SCPEP1: variants seen among roughly 807,000 people sequenced by gnomAD.
The protein encoded by SCPEP1 is retinoid-inducible serine carboxypeptidase.
SCPEP1 carries 51 observed loss-of-function variants against 63.8 expected under a neutral mutation model. The observed-to-expected ratio is 0.80, with a 90% CI of 0.64 to 1.01. The LOEUF is 1.01. Ranked by LOEUF, SCPEP1 falls within the 50% of genes least tolerant of loss-of-function variation. The pLI, the probability that SCPEP1 is intolerant of heterozygous loss-of-function variation, is 0.00. For synonymous variants in SCPEP1, 204 were observed against 207.8 expected, an observed-to-expected ratio of 0.98 and a Z score of 0.16; for missense variants, 499 against 554.9, an observed-to-expected ratio of 0.90 and a Z score of 1.01.
At chr17:56,993,646 C>A (rs1172300766) in intron 6 of SCPEP1, among the ~76,000 whole-genome samples, 1 of 152,162 alleles carries the variant, frequency 6.6e-6, no homozygotes, top group Non-Finnish European at 1.5e-5. Flanking sequence ...GGGGTTTCAC[C>A]ATGTTGGCCA....
chr17:56,990,977 G>A, intron 5 of SCPEP1, 122 bp from the exon 6 acceptor site: 1 of 786,104 alleles, frequency 1.3e-6, no homozygotes, highest in Non-Finnish European at 2.3e-6. Context: ...TCACTACATT[G>A]CCTAGGCTGG....
chr17:56,985,718 A>G (rs1476276583), intron 3 of SCPEP1, among the ~76,000 whole-genome samples: 2 of 152,042 alleles, frequency 1.3e-5, no homozygotes, highest in African/African-American at 2.4e-5. Context: ...GCTGCCTTCA[A>G]AAACCTACTA....
At chr17:56,978,849 A>G (rs1289988239) in intron 1 of SCPEP1, among the ~76,000 whole-genome samples, 1 of 152,170 alleles carries the variant, frequency 6.6e-6, no homozygotes, top group Non-Finnish European at 1.5e-5. Flanking sequence ...AAGTTGTTGA[A>G]CAGTTTTGTT....
chr17:56,999,438 A>G (rs1319504194), intron 10 of SCPEP1, among the ~76,000 whole-genome samples: 2 of 152,176 alleles, frequency 1.3e-5, no homozygotes, highest in African/African-American at 4.8e-5. Flanking sequence ...AGGTTTCTGA[A>G]GGGAAAATAC....
chr17:57,004,790 T>C (rs770410869), intron 12 of SCPEP1, among the ~76,000 whole-genome samples: 2 of 152,380 alleles, frequency 1.3e-5, no homozygotes, highest in Non-Finnish European at 2.9e-5. Flanking sequence ...CAGCCACCCA[T>C]GGCTCTTCAA....
chr17:56,997,027 G>C lies in SCPEP1; in HGVS notation c.852G>C (p.Ser284=). The change falls in exon 9 of 13, where the codon TCG becomes TCC. Residue 284 remains serine (S), a synonymous_variant. Coordinates refer to ENST00000262288, the MANE Select transcript of SCPEP1 (RefSeq NM_021626.3). The part of the protein sequence containing the change: ...TKSTPTSTME[S]SLEFTQSHLV... ...GCACTCCCACGTCTACAATGGAGTC[G>C]AGTCTAGAATTCACACAGAGCCACC... 6.2e-7 allele frequency: 1 copy of C among 1,606,698 alleles called. No individual in the cohort carries two copies. Among genetic ancestry groups the C allele is most frequent in the Non-Finnish European group, 8.5e-7 (1 of 1,175,698 alleles).
chr17:56,995,273 A>G lies in SCPEP1; in HGVS notation c.658-234A>G, dbSNP rs193006829. 7 of 572,214 alleles carry G rather than the reference A, an allele frequency of 1.2e-5. No homozygotes were observed. In the Admixed American group the frequency reaches 2.0e-4, roughly 16 times the overall value. The allele number at this position is 572,214 out of a possible 1,614,324, so 35.4% of individuals were successfully genotyped here. On this transcript the variant is annotated intron_variant, in intron 7 of 12. Coordinates refer to ENST00000262288, the MANE Select transcript of SCPEP1 (RefSeq NM_021626.3). ...TCCAATGCCCTAAATTTTTATTACA[A>G]AAATTTTCAAATATGCAGAAATGTT...
At chr17:56,994,875 G>A (rs1219236835) in intron 6 of SCPEP1, 106 bp from the exon 7 acceptor site, 1 of 1,021,410 alleles carries the variant, frequency 9.8e-7, no homozygotes, top group African/African-American at 1.6e-5. Flanking sequence ...AAGCCACCGG[G>A]TTTCTTGCTT....
chr17:57,002,696 G>A (rs980125928), intron 12 of SCPEP1, among the ~76,000 whole-genome samples: 2 of 151,616 alleles, frequency 1.3e-5, no homozygotes, highest in Admixed American at 1.3e-4. Flanking sequence ...AACAGAGTGA[G>A]ACTCTGTCTC....
chr17:56,996,849 T>C (rs1911579549), intron 8 of SCPEP1, 113 bp from the exon 9 acceptor site: 3 of 605,412 alleles, frequency 5.0e-6, no homozygotes, highest in Admixed American at 6.7e-5. Flanking sequence ...TCCAAGCAGA[T>C]ATACAAAATT....
Position 56,994,974 on chromosome 17 carries a change from C to A in SCPEP1, c.620-7C>A, listed in dbSNP as rs201685402. The stretch of plus-strand genomic sequence containing the variant: ...TACTTGATTTGTACATATGTGATTT[C>A]CTTTAGATTCGGTGCTCTCCTGGGG... On this transcript the variant is annotated splice_region_variant and splice_polypyrimidine_tract_variant and intron_variant, in intron 6 of 12. Coordinates refer to ENST00000262288, the MANE Select transcript of SCPEP1 (RefSeq NM_021626.3). 28 of 1,611,734 alleles carry A rather than the reference C, an allele frequency of 1.7e-5. No individual in the cohort carries two copies. In the East Asian group the frequency reaches 5.6e-4, roughly 32 times the overall value.
chr17:57,002,056 C>T lies in SCPEP1; in HGVS notation c.1171C>T (p.Leu391=). 1 of 1,614,250 alleles carries T rather than the reference C, an allele frequency of 6.2e-7. No individual in the cohort carries two copies. Among genetic ancestry groups the T allele is most frequent in the African/African-American group, 1.3e-5 (1 of 75,070 alleles). ...GGTGCGGAAACTGAAGTGGCCAGAA[C>T]TGCCTAAATTCAGTCAGCTGAAGTG... ...AWVRKLKWPE[L]PKFSQLKWKA... is the part of the protein sequence containing the mutation. Residue 391 remains leucine (L), a synonymous_variant, in exon 12 of 13, where the codon CTG becomes TTG. Coordinates refer to ENST00000262288, the MANE Select transcript of SCPEP1 (RefSeq NM_021626.3).
At chr17:56,987,525 T>C in intron 3 of SCPEP1, 170 bp from the exon 4 acceptor site, 1 of 562,068 alleles carries the variant, frequency 1.8e-6, no homozygotes, top group Non-Finnish European at 2.8e-6. Flanking sequence ...TGTTTTTTTT[T>C]CTATGTTCCT....
chr17:56,988,845 G>A (rs1007264116), intron 5 of SCPEP1, among the ~76,000 whole-genome samples: 7 of 151,980 alleles, frequency 4.6e-5, no homozygotes, highest in African/African-American at 1.7e-4. Context: ...TTGTATTCTT[G>A]CCTTGTATAA....
At chr17:56,982,242 C>G (rs1407075516) in intron 2 of SCPEP1, among the ~76,000 whole-genome samples, 1 of 152,126 alleles carries the variant, frequency 6.6e-6, no homozygotes, top group African/African-American at 2.4e-5. Context: ...GGCCCCTCAT[C>G]AGTAAATAGG....
intron 1 of SCPEP1, among the ~76,000 whole-genome samples, chr17:56,979,026 G>A (rs182868170): frequency 3.9e-5 from 6 of 152,250 alleles, no homozygotes; most frequent in South Asian, 4.1e-4. Flanking sequence ...TCAAGGGAGC[G>A]CAGCCTTATC....
intron 2 of SCPEP1, chr17:56,985,174 C>G (rs546591840): frequency 3.3e-6 from 2 of 606,780 alleles, no homozygotes; most frequent in African/African-American, 3.7e-5. Context: ...TAGCTCAGCT[C>G]TGCTCCTTTC....
Position 56,978,217 on chromosome 17 carries a change from C to T in SCPEP1, c.58C>T (p.Leu20=), listed in dbSNP as rs1192954948. The change falls in exon 1 of 13, where the codon CTG becomes TTG. Residue 20 remains leucine (L), a synonymous_variant. Transcript: ENST00000262288. ...GCGGTGGTTGCTGCTGCTGCCGCTG[C>T]TGCTGGGCCTGAACGCAGGTAGGTT... ...VPRWLLLLPL[L]LGLNAGAVID... 6.4e-7 allele frequency: 1 copy of T among 1,555,328 alleles called. No individual in the cohort carries two copies. Among genetic ancestry groups the T allele is most frequent in the Admixed American group, 1.8e-5 (1 of 54,222 alleles).
intron 12 of SCPEP1, among the ~76,000 whole-genome samples, chr17:57,005,323 G>A (rs758573627): frequency 1.8e-4 from 28 of 152,216 alleles, no homozygotes; most frequent in Non-Finnish European, 3.5e-4. Flanking sequence ...GTATACTAGA[G>A]TTCAGGCCCA....
Sources: gnomAD v4.1 joint callset for allele counts (sites outside exome capture counted in the v4.1 genomes callset) on GRCh38, gnomAD v4.1.1 for gene constraint, MANE v1.5 for transcripts, NCBI Gene and HGNC (gene_info 2026-07-23, HGNC 2026-07-21) for gene names.